The following PRKCA variants were observed in gnomAD, a reference collection of about 807,000 sequenced individuals.
PRKCA encodes protein kinase C alpha, also known as protein kinase C alpha type.
Under a neutral mutation model 87.0 loss-of-function variants are expected in PRKCA, and 27 were observed. The ratio of observed to expected loss-of-function variants is 0.31; its 90% CI spans 0.23 to 0.43. The LOEUF (loss-of-function observed/expected upper bound fraction) is 0.43, where lower values mean the gene tolerates loss of function less well. Among genes scored for constraint, PRKCA ranks in the 20% least tolerant of loss-of-function variants. PRKCA has a pLI of 1.00. For synonymous variants in PRKCA, 329 were observed against 311.1 expected, an observed-to-expected ratio of 1.06 and a Z score of -0.61; for missense variants, 518 against 852.3, an observed-to-expected ratio of 0.61 and a Z score of 4.88.
chr17:66,440,808 T>A (rs1342116232), intron 2 of PRKCA, among the ~76,000 whole-genome samples: 2 of 152,026 alleles, frequency 1.3e-5, no homozygotes, highest in East Asian at 3.9e-4. Flanking sequence ...GGAGGATTGC[T>A]TGAGCCCAGG....
At chr17:66,589,628 G>A (rs763129999) in intron 3 of PRKCA, among the ~76,000 whole-genome samples, 4 of 152,126 alleles carry the variant, frequency 2.6e-5, no homozygotes, top group East Asian at 1.9e-4. Flanking sequence ...TGATCTCTGC[G>A]ACTTTTGTTG....
At chr17:66,320,672 A>AT (rs1185320280) in intron 2 of PRKCA, among the ~76,000 whole-genome samples, 12 of 152,266 alleles carry the variant, frequency 7.9e-5, no homozygotes, top group Admixed American at 3.3e-4. Flanking sequence ...GAAATTGTAT[A>AT]TTTTTTCTCT....
At chr17:66,532,366 A>T (rs1598745673) in intron 3 of PRKCA, among the ~76,000 whole-genome samples, 1 of 99,232 alleles carries the variant, frequency 1.0e-5, no homozygotes, top group Non-Finnish European at 1.9e-5. Flanking sequence ...ATTTTATTTT[A>T]TTTTTTTATT....
At chr17:66,355,271 CTGTA>C (rs1321416345) in intron 2 of PRKCA, among the ~76,000 whole-genome samples, 1 of 152,192 alleles carries the variant, frequency 6.6e-6, no homozygotes, top group Non-Finnish European at 1.5e-5. Context: ...TTAATCCCTG[CTGTA>C]TGTGCTAATG....
At chr17:66,515,374 G>A (rs1477061002) in intron 3 of PRKCA, among the ~76,000 whole-genome samples, 2 of 152,054 alleles carry the variant, frequency 1.3e-5, no homozygotes, top group African/African-American at 4.8e-5. Flanking sequence ...GTGCACACGT[G>A]TGTGTAAGTC....
At chr17:66,709,897 G>A (rs928965149) in intron 8 of PRKCA, among the ~76,000 whole-genome samples, 30 of 152,028 alleles carry the variant, frequency 2.0e-4, no homozygotes, top group African/African-American at 6.3e-4. Context: ...CATGGTAAGC[G>A]GGTTTGGTTT....
chr17:66,503,740 C>G (rs1475000756), intron 3 of PRKCA, among the ~76,000 whole-genome samples: 1 of 152,110 alleles, frequency 6.6e-6, no homozygotes, highest in African/African-American at 2.4e-5. Flanking sequence ...ATAAAAAAGG[C>G]TGCTGAAATG....
At chr17:66,730,747 A>G (rs1372318168) in intron 8 of PRKCA, among the ~76,000 whole-genome samples, 1 of 152,186 alleles carries the variant, frequency 6.6e-6, no homozygotes, top group East Asian at 1.9e-4. Flanking sequence ...TGTGACCTGT[A>G]TCTTGTGAAA....
intron 3 of PRKCA, among the ~76,000 whole-genome samples, chr17:66,556,322 TC>T (rs1320118135): frequency 1.8e-5 from 2 of 109,924 alleles, no homozygotes; most frequent in African/African-American, 4.4e-5. Flanking sequence ...TCTTTCTTCT[TC>T]TTTTTTTTTT....
At chr17:66,631,776 A>G (rs1971020919) in intron 3 of PRKCA, among the ~76,000 whole-genome samples, 1 of 152,198 alleles carries the variant, frequency 6.6e-6, no homozygotes, top group Non-Finnish European at 1.5e-5. Context: ...CTTATTTCAC[A>G]TTGCATGCCT....
At chr17:66,397,663 C>A (rs1910771606) in intron 2 of PRKCA, among the ~76,000 whole-genome samples, 1 of 151,814 alleles carries the variant, frequency 6.6e-6, no homozygotes, top group African/African-American at 2.4e-5. Flanking sequence ...AGTTTTGTGA[C>A]TTATTACACA....
chr17:66,617,923 T>TTTC (rs1970558843), intron 3 of PRKCA, among the ~76,000 whole-genome samples: 4 of 152,340 alleles, frequency 2.6e-5, no homozygotes, highest in African/African-American at 7.2e-5. Flanking sequence ...TTTCAGGTGC[T>TTTC]AGAAACACAT....
intron 2 of PRKCA, among the ~76,000 whole-genome samples, chr17:66,340,765 T>A (rs974300098): frequency 8.5e-5 from 13 of 152,180 alleles, no homozygotes; most frequent in Admixed American, 3.9e-4. Context: ...GTCATTCATA[T>A]TCATCTTTAA....
intron 2 of PRKCA, among the ~76,000 whole-genome samples, chr17:66,353,741 A>G (rs1375888313): frequency 6.6e-6 from 1 of 152,156 alleles, no homozygotes; most frequent in East Asian, 1.9e-4. Context: ...GAATTCCCCC[A>G]ATAGAAACAG....
At chr17:66,374,219 A>G (rs957128323) in intron 2 of PRKCA, among the ~76,000 whole-genome samples, 15 of 152,008 alleles carry the variant, frequency 9.9e-5, no homozygotes, top group Admixed American at 6.6e-4. Context: ...CACCTCCTCA[A>G]CTAGCACCTC....
chr17:66,587,576 T>G (rs892772895), intron 3 of PRKCA, among the ~76,000 whole-genome samples: 7 of 151,812 alleles, frequency 4.6e-5, no homozygotes, highest in Non-Finnish European at 1.0e-4. Context: ...CAGATATATA[T>G]ATAGATAGAT....
intron 8 of PRKCA, among the ~76,000 whole-genome samples, chr17:66,708,340 G>C (rs774239955): frequency 6.6e-6 from 1 of 151,980 alleles, no homozygotes; most frequent in Non-Finnish European, 1.5e-5. Flanking sequence ...TGTGTGGTCC[G>C]GGAAGGATTC....
At chr17:66,367,454 G>A (rs1466749686) in intron 2 of PRKCA, among the ~76,000 whole-genome samples, 4 of 152,220 alleles carry the variant, frequency 2.6e-5, no homozygotes, top group Non-Finnish European at 5.9e-5. Context: ...AGCCACTGCT[G>A]TACCTAAAAC....
At chr17:66,537,231 G>A (rs1167558683) in intron 3 of PRKCA, among the ~76,000 whole-genome samples, 2 of 152,114 alleles carry the variant, frequency 1.3e-5, no homozygotes, top group African/African-American at 4.8e-5. Context: ...ACCAAAGCCA[G>A]GTCCACCAAA....
Sources: allele counts gnomAD v4.1 joint callset (sites outside exome capture counted in the v4.1 genomes callset), GRCh38; gene constraint gnomAD v4.1.1; transcripts MANE v1.5; gene names NCBI Gene and HGNC (gene_info 2026-07-23, HGNC 2026-07-21).